FAM107B: variants seen among roughly 807,000 people sequenced by gnomAD.
The protein encoded by FAM107B is protein FAM107B.
FAM107B carries 21 observed loss-of-function variants against 31.5 expected under a neutral mutation model. The observed-to-expected ratio is 0.67, with a 90% CI of 0.47 to 0.96. The LOEUF is 0.96. Among genes scored for constraint, FAM107B ranks in the 40% least tolerant of loss-of-function variants. FAM107B has a pLI of 0.00. For synonymous variants in FAM107B, 157 were observed against 141.5 expected, an observed-to-expected ratio of 1.11 and a Z score of -0.78; for missense variants, 452 against 377.1, an observed-to-expected ratio of 1.20 and a Z score of -1.64.
At chr10:14,525,147 C>A (rs1278140849) in intron 3 of FAM107B, among the ~76,000 whole-genome samples, 1 of 152,230 alleles carries the variant, frequency 6.6e-6, no homozygotes, top group African/African-American at 2.4e-5. Flanking sequence ...CTAAATGGAA[C>A]AGAGATAGTG....
intron 1 of FAM107B, among the ~76,000 whole-genome samples, chr10:14,721,543 T>G (rs1299949791): frequency 1.3e-5 from 2 of 152,200 alleles, no homozygotes; most frequent in Non-Finnish European, 2.9e-5. Flanking sequence ...CCATTCTAAC[T>G]GGTGTGAGAT....
At chr10:14,709,103 A>G (rs776049722) in intron 1 of FAM107B, among the ~76,000 whole-genome samples, 17 of 152,246 alleles carry the variant, frequency 1.1e-4, no homozygotes, top group Non-Finnish European at 2.5e-4. Flanking sequence ...GGTGAAATAC[A>G]AAATGGTGCA....
At chr10:14,629,881 C>G (rs1853308786) in intron 2 of FAM107B, among the ~76,000 whole-genome samples, 1 of 151,972 alleles carries the variant, frequency 6.6e-6, no homozygotes, top group South Asian at 2.1e-4. Context: ...AGAAAAAAAA[C>G]ATGATTTTTA....
chr10:14,586,167 AATTCC>A (rs1851825389), intron 2 of FAM107B, among the ~76,000 whole-genome samples: 1 of 152,120 alleles, frequency 6.6e-6, no homozygotes. Flanking sequence ...GTGCTAGTTC[AATTCC>A]TGACCTTCAG....
intron 3 of FAM107B, among the ~76,000 whole-genome samples, chr10:14,529,273 CAATTTAATATA>C (rs1846674655): frequency 1.3e-5 from 2 of 152,202 alleles, no homozygotes; most frequent in Non-Finnish European, 2.9e-5. Flanking sequence ...TATTTGCATT[CAATTTAATATA>C]CATTAATCCA....
At chr10:14,565,620 G>C (rs1282482489) in intron 2 of FAM107B, among the ~76,000 whole-genome samples, 1 of 152,214 alleles carries the variant, frequency 6.6e-6, no homozygotes, top group African/African-American at 2.4e-5. Flanking sequence ...ATAGGTGCTT[G>C]AGCTCACAAG....
chr10:14,653,627 T>A (rs1251924935), intron 2 of FAM107B, among the ~76,000 whole-genome samples: 1 of 131,712 alleles, frequency 7.6e-6, no homozygotes. Flanking sequence ...ATCCATGTGG[T>A]TCCATTTCCT....
At chr10:14,578,675 C>T (rs1373381927) in intron 2 of FAM107B, among the ~76,000 whole-genome samples, 3 of 152,282 alleles carry the variant, frequency 2.0e-5, no homozygotes, top group East Asian at 1.9e-4. Flanking sequence ...CAACTGCACC[C>T]TCGGTCACAA....
At chr10:14,767,097 G>GAGAGAGAGAC (rs1833196530) in intron 1 of FAM107B, among the ~76,000 whole-genome samples, 2 of 113,818 alleles carry the variant, frequency 1.8e-5, no homozygotes. Context: ...GAGAGAGAGA[G>GAGAGAGAGAC]AGACAGAGAG....
intron 2 of FAM107B, among the ~76,000 whole-genome samples, chr10:14,623,701 C>G (rs945559140): frequency 6.6e-6 from 1 of 152,150 alleles, no homozygotes; most frequent in East Asian, 1.9e-4. Context: ...TAGTGCAGGT[C>G]TGTAATCCCA....
intron 2 of FAM107B, among the ~76,000 whole-genome samples, chr10:14,584,191 C>G (rs1053292536): frequency 6.6e-6 from 1 of 152,148 alleles, no homozygotes; most frequent in Non-Finnish European, 1.5e-5. Flanking sequence ...CTGGGTAGCT[C>G]GTTGGTGTCT....
chr10:14,644,271 C>A (rs1050886923), intron 2 of FAM107B, among the ~76,000 whole-genome samples: 2 of 152,190 alleles, frequency 1.3e-5, no homozygotes, highest in African/African-American at 4.8e-5. Flanking sequence ...CCCTATTTAA[C>A]CCTTTACTAT....
intron 2 of FAM107B, among the ~76,000 whole-genome samples, chr10:14,599,835 C>G (rs1377631917): frequency 1.4e-5 from 2 of 143,392 alleles, no homozygotes; most frequent in African/African-American, 2.6e-5. Flanking sequence ...TGTGGGATCA[C>G]TGCTATTCCT....
intron 2 of FAM107B, among the ~76,000 whole-genome samples, chr10:14,567,687 C>G (rs1850796117): frequency 6.6e-6 from 1 of 152,072 alleles, no homozygotes; most frequent in African/African-American, 2.4e-5. Flanking sequence ...AAAGCAGAGG[C>G]AAAGTCCAGC....
At chr10:14,599,419 AT>A (rs1409887629) in intron 2 of FAM107B, among the ~76,000 whole-genome samples, 3 of 152,128 alleles carry the variant, frequency 2.0e-5, no homozygotes, top group Non-Finnish European at 4.4e-5. Flanking sequence ...AGGAAACATT[AT>A]TGTCTCCAAC....
At chr10:14,686,291 A>G (rs373864650) in intron 1 of FAM107B, among the ~76,000 whole-genome samples, 2 of 151,920 alleles carry the variant, frequency 1.3e-5, no homozygotes, top group East Asian at 1.9e-4. Context: ...CAGGAGGCTG[A>G]GGTAGGAGAA....
At chr10:14,696,900 A>T (rs1314255661) in intron 1 of FAM107B, among the ~76,000 whole-genome samples, 6 of 152,152 alleles carry the variant, frequency 3.9e-5, no homozygotes, top group Non-Finnish European at 8.8e-5. Context: ...CTCCTTTAGC[A>T]TCTCTGAAAA....
At chr10:14,724,736 C>A (rs1305474179) in intron 1 of FAM107B, among the ~76,000 whole-genome samples, 1 of 151,910 alleles carries the variant, frequency 6.6e-6, no homozygotes, top group African/African-American at 2.4e-5. Flanking sequence ...TCCCAGGAAC[C>A]CACTAATAGT....
At chr10:14,647,043 C>G (rs928810201) in intron 2 of FAM107B, among the ~76,000 whole-genome samples, 1 of 152,178 alleles carries the variant, frequency 6.6e-6, no homozygotes, top group Admixed American at 6.5e-5. Flanking sequence ...ATCCGCCTGC[C>G]TCGGCCTCCC....
Sources: gnomAD v4.1 joint callset for allele counts (sites outside exome capture counted in the v4.1 genomes callset) on GRCh38, gnomAD v4.1.1 for gene constraint, MANE v1.5 for transcripts, NCBI Gene and HGNC (gene_info 2026-07-23, HGNC 2026-07-21) for gene names.